BTN3A3: variants seen among roughly 807,000 people sequenced by gnomAD.
The protein encoded by BTN3A3 is butyrophilin 3.
In BTN3A3, 39 loss-of-function variants were observed where a neutral mutation model predicts 43.2. The ratio of observed to expected loss-of-function variants is 0.90; its 90% CI spans 0.70 to 1.18. The LOEUF is 1.18. Ranked by LOEUF, BTN3A3 falls within the 50% of genes most tolerant of loss-of-function variation. The pLI is 0.00. For missense variants in BTN3A3, 631 were observed against 722.8 expected (o/e 0.87, Z 1.46); for synonymous variants, 255 against 272.7 (o/e 0.93, Z 0.64).
intron 1 of BTN3A3, among the ~76,000 whole-genome samples, chr6:26,440,870 A>T (rs1234346337): frequency 6.6e-6 from 1 of 151,998 alleles, no homozygotes. Flanking sequence ...AGAAGAGGCA[A>T]GTAGTGCAAA....
At position 26,444,196 on chromosome 6, in the gene BTN3A3, G is replaced by C. The variant is rs777304824; in HGVS notation, c.325G>C (p.Ala109Pro). The change falls in exon 4 of 11, where the codon GCT becomes CCT. Residue 109 changes from alanine to proline, a missense_variant. Coordinates refer to ENST00000244519, the MANE Select transcript of BTN3A3 (RefSeq NM_006994.5). ...GCGGGATGGCATCACTGCAGGGAAG[G>C]CTGCTCTCCGAATACACAACGTCAC... The part of the protein sequence containing the change: ...ILRDGITAGK[A>P]ALRIHNVTAS... 25 of 1,612,060 alleles carry C rather than the reference G, an allele frequency of 1.6e-5. No homozygotes were observed. The highest frequency in any genetic ancestry group is 4.5e-4 in the Middle Eastern group (2 of 4,432).
Position 26,448,575 on chromosome 6 carries a change from TA to T in BTN3A3, c.917-40del, listed in dbSNP as rs1490420250. The T allele has an allele frequency of 5.6e-6, 9 of 1,613,366 alleles. No individual in the cohort carries two copies. The Admixed American group carries it at 1.2e-4, about 21-fold the overall frequency. The stretch of plus-strand genomic sequence containing the variant: ...ATTTTCCCAAAACCCCCCTTACCCA[TA>T]ACTGTTCTTTTTTTCTTTTCTTTTT... On this transcript the variant is annotated intron_variant, in intron 6 of 10. Transcript: ENST00000244519.
Position 26,445,902 on chromosome 6 carries a change from G to C in BTN3A3, c.632G>C (p.Arg211Thr), listed in dbSNP as rs140844974. The C allele has an allele frequency of 1.2e-4, 188 of 1,614,112 alleles. No homozygotes were observed. The highest frequency in any genetic ancestry group is 1.5e-4 in the Non-Finnish European group (174 of 1,180,058). Residue 211 changes from arginine to threonine, a missense_variant, in exon 5 of 11, where the codon AGA (arginine) becomes ACA (threonine). Physicochemically the swap from Arg to Thr is moderately conservative, Grantham distance 71 (BLOSUM62 -1). This residue lies in a region of BTN3A3 where 551 missense variants were observed against 584.0 expected (regional missense o/e 0.94). Transcript: ENST00000244519. Reference sequence around the variant, plus strand: ...GCAGTAGCAGCATCTGTGATCATGAGAGGCAGCTCTGGTGGGGGTGTATCC... The same window carrying C: ...GCAGTAGCAGCATCTGTGATCATGACAGGCAGCTCTGGTGGGGGTGTATCC... The part of the protein sequence containing the change: ...LYAVAASVIM[R>T]GSSGGGVSCI...
At position 26,450,104 on chromosome 6, in the gene BTN3A3, C is replaced by T; in HGVS notation, c.992-3C>T. ...TTTCTTATCTGTGTCTCCTTCCTTT[C>T]AGAATGGAAAATGGCCCTCTTCAAA... On this transcript the variant is annotated splice_region_variant and splice_polypyrimidine_tract_variant and intron_variant, in intron 9 of 10. Transcript: ENST00000244519. The T allele has an allele frequency of 6.2e-7, 1 of 1,613,614 alleles. No individual in the cohort carries two copies. The highest frequency in any genetic ancestry group is 1.1e-5 in the South Asian group (1 of 91,064).
chr6:26,449,771 G>A, intron 9 of BTN3A3, 83 bp downstream of exon 9: 8 of 1,526,366 alleles, frequency 5.2e-6, no homozygotes, highest in East Asian at 2.2e-5. Context: ...ACCCATTGAC[G>A]TTCTCAGTTG....
At chr6:26,441,446 A>C (rs916063381) in intron 1 of BTN3A3, among the ~76,000 whole-genome samples, 1 of 151,538 alleles carries the variant, frequency 6.6e-6, no homozygotes, top group Non-Finnish European at 1.5e-5. Flanking sequence ...TACTGTATAG[A>C]TTTTATTATA....
intron 6 of BTN3A3, 29 bp downstream of exon 6, chr6:26,448,477 C>T: frequency 6.2e-7 from 1 of 1,609,098 alleles, no homozygotes; most frequent in South Asian, 1.1e-5. Flanking sequence ...GAATCTAAGC[C>T]CCTGGCTTGC....
In BTN3A3 at chr6:26,452,460, CT is replaced by C; in HGVS notation, c.*51del. ...ACAGTTGTTTTGAGTTTCGTACCAC[CT>C]TATTGTCCCCTTATACAGATAAGGA... On this transcript the variant is annotated 3_prime_UTR_variant, in exon 11 of 11. Coordinates refer to ENST00000244519, the MANE Select transcript of BTN3A3 (RefSeq NM_006994.5). 1 of 1,478,168 alleles carries C rather than the reference CT, an allele frequency of 6.8e-7. No homozygotes were observed. Among genetic ancestry groups the C allele is most frequent in the Non-Finnish European group, 9.1e-7 (1 of 1,104,750 alleles). 91.6% of individuals were successfully genotyped at this position (1,478,168 alleles called of 1,614,324 possible).
At chr6:26,446,540 G>A (rs1762783457) in intron 5 of BTN3A3, among the ~76,000 whole-genome samples, 1 of 152,190 alleles carries the variant, frequency 6.6e-6, no homozygotes, top group African/African-American at 2.4e-5. Context: ...GCTATGGCAG[G>A]AGTGTAGGAA....
chr6:26,452,385 C>T lies in BTN3A3; in HGVS notation c.1729C>T (p.Gln577Ter), dbSNP rs1176887337. ...AACAACCAATCAGAACCATAAGCTA[C>T]AGGCACGCACTGAAGCACTTTACTG... ...SATTNQNHKL[Q>*]ARTEALY The change falls in exon 11 of 11, where the codon CAG becomes TAG. Residue 577 changes from glutamine to a stop codon, truncating the protein, a stop_gained. Coordinates refer to ENST00000244519, the MANE Select transcript of BTN3A3 (RefSeq NM_006994.5). LOFTEE classifies it high-confidence loss of function. 13 of 1,604,346 alleles carry T rather than the reference C, an allele frequency of 8.1e-6. No homozygotes were observed. Among genetic ancestry groups the T allele is most frequent in the South Asian group, 2.2e-5 (2 of 90,948 alleles).
chr6:26,443,934 G>A (rs753981796), intron 3 of BTN3A3, 23 bp from the exon 4 acceptor site: 2 of 1,613,854 alleles, frequency 1.2e-6, no homozygotes, highest in African/African-American at 1.3e-5. Context: ...CCCTCTGATG[G>A]AGCTTCCCCC....
At chr6:26,450,354 A>G (rs1762896688) in intron 10 of BTN3A3, 1 of 556,790 alleles carries the variant, frequency 1.8e-6, no homozygotes, top group Admixed American at 3.3e-5. Context: ...GCTTCCTCAG[A>G]CCTTCCTGGG....
chr6:26,451,860 G>A lies in BTN3A3; in HGVS notation c.1204G>A (p.Gly402Arg). The change falls in exon 11 of 11, where the codon GGG (glycine) becomes AGG (arginine). Residue 402 changes from glycine to arginine, a missense_variant. Physicochemically the swap from Gly to Arg is moderately radical, Grantham distance 125. Around this residue, in one of 2 missense-constraint regions of BTN3A3, gnomAD observed 551 missense variants for 584.0 expected, o/e 0.94. Coordinates refer to ENST00000244519, the MANE Select transcript of BTN3A3 (RefSeq NM_006994.5). ...GAGACATTACTGGGAGGTGGAAGTG[G>A]GGGACAGAAAAGAGTGGCATATTGG... is the stretch of plus-strand genomic sequence containing the variant. ...SGRHYWEVEVGDRKEWHIGVC... is the reference protein window; with the variant it reads ...SGRHYWEVEVRDRKEWHIGVC... 6.2e-7 allele frequency: 1 copy of A among 1,614,154 alleles called. No individual in the cohort carries two copies. Among genetic ancestry groups the A allele is most frequent in the Non-Finnish European group, 8.5e-7 (1 of 1,180,014 alleles).
intron 8 of BTN3A3, 74 bp from the exon 9 acceptor site, chr6:26,449,588 G>A (rs377566088): frequency 2.0e-6 from 3 of 1,538,018 alleles, no homozygotes; most frequent in Non-Finnish European, 2.7e-6. Context: ...CTAGATGGAT[G>A]CGAAAGGAAG....
Position 26,451,938 on chromosome 6 carries a change from G to A in BTN3A3, c.1282G>A (p.Glu428Lys). 6.2e-7 allele frequency: 1 copy of A among 1,614,144 alleles called. No homozygotes were observed. The highest frequency in any genetic ancestry group is 8.5e-7 in the Non-Finnish European group (1 of 1,180,018). ...RKKGWVKMTP[E>K]NGYWTMGLTD... Reference sequence around the variant, plus strand: ...AAAAGGTTGGGTCAAAATGACACCGGAGAACGGATACTGGACTATGGGCCT... The same window carrying A: ...AAAAGGTTGGGTCAAAATGACACCGAAGAACGGATACTGGACTATGGGCCT... Residue 428 changes from glutamate to lysine, a missense_variant, in exon 11 of 11, where the codon GAG becomes AAG. By Grantham distance (56) the Glu-to-Lys change is moderately conservative (BLOSUM62 1). Coordinates refer to ENST00000244519, the MANE Select transcript of BTN3A3 (RefSeq NM_006994.5).
chr6:26,449,637 C>T (rs779136334), intron 8 of BTN3A3, 25 bp from the exon 9 acceptor site: 1 of 1,614,034 alleles, frequency 6.2e-7, no homozygotes, highest in East Asian at 2.2e-5. Flanking sequence ...GTTCAGGTGA[C>T]ACCTCTATCT....
Position 26,448,331 on chromosome 6 carries a change from A to G in BTN3A3, c.799A>G (p.Ser267Gly). The change falls in exon 6 of 11, where the codon AGT (serine) becomes GGT (glycine). Residue 267 changes from serine to glycine, a missense_variant. Ser to Gly is a moderately conservative substitution (Grantham distance 56, BLOSUM62 0). This residue lies in a region of BTN3A3 where 551 missense variants were observed against 584.0 expected (regional missense o/e 0.94). Transcript: ENST00000244519. ...PISLLLLAGA[S>G]YFLWRQQKEK... is the part of the protein sequence containing the mutation. ...CTCGTTGCTGCTTCTCGCAGGAGCCAGTTACTTCTTGTGGAGACAACAGAA... is the reference window on the plus strand; with the variant it reads ...CTCGTTGCTGCTTCTCGCAGGAGCCGGTTACTTCTTGTGGAGACAACAGAA... 1 of 1,613,888 alleles carries G rather than the reference A, an allele frequency of 6.2e-7. No homozygotes were observed. The highest frequency in any genetic ancestry group is 8.5e-7 in the Non-Finnish European group (1 of 1,179,966).
At chr6:26,449,812 T>G (rs577774243) in intron 9 of BTN3A3, 124 bp downstream of exon 9, 103 of 1,277,558 alleles carry the variant, frequency 8.1e-5, no homozygotes, top group Non-Finnish European at 1.1e-4. Flanking sequence ...TAGACTCAAT[T>G]TTGCATGGTA....
intron 10 of BTN3A3, among the ~76,000 whole-genome samples, chr6:26,450,887 G>A (rs1382007873): frequency 6.6e-6 from 1 of 152,200 alleles, no homozygotes; most frequent in Non-Finnish European, 1.5e-5. Context: ...AGCATCAGCT[G>A]CTGCTGGCAG....
Sources: allele counts gnomAD v4.1 joint callset (sites outside exome capture counted in the v4.1 genomes callset), GRCh38; gene constraint gnomAD v4.1.1; regional missense constraint gnomAD v4.1.1; transcripts MANE v1.5; gene names NCBI Gene and HGNC (gene_info 2026-07-23, HGNC 2026-07-21).